IGFL3: variants seen among roughly 807,000 people sequenced by gnomAD.
The protein encoded by IGFL3 is IGF like family member 3.
Under a neutral mutation model 17.0 loss-of-function variants are expected in IGFL3, and 12 were observed. The observed-to-expected ratio is 0.71, with a 90% confidence interval of 0.45 to 1.14. The LOEUF (loss-of-function observed/expected upper bound fraction) is 1.14, where lower values mean the gene tolerates loss of function less well. Ranked by LOEUF, IGFL3 falls within the 50% of genes most tolerant of loss-of-function variation. The probability of loss-of-function intolerance (pLI) is 0.00; values close to 1 mark genes in which losing one functional copy is unlikely to be tolerated. For synonymous variants in IGFL3, 52 were observed against 57.4 expected, an observed-to-expected ratio of 0.91 and a Z score of 0.42; for missense variants, 153 against 151.6, an observed-to-expected ratio of 1.01 and a Z score of -0.05.
At chr19:46,120,406 G>GA in intron 3 of IGFL3, 49 bp from the exon 4 acceptor site, 1 of 1,606,936 alleles carries the variant, frequency 6.2e-7, no homozygotes, top group Admixed American at 1.7e-5. Flanking sequence ...ATATTCTCAG[G>GA]AAAAAATTAT....
rs770775665 is a variant in IGFL3 at position 46,120,099 on chromosome 19, C to T, written c.*231G>A. 3.9e-5 allele frequency: 22 copies of T among 560,360 alleles called. No individual in the cohort carries two copies. Among genetic ancestry groups the T allele is most frequent in the Admixed American group, 9.9e-5 (3 of 30,380 alleles). The allele number at this position is 560,360 out of a possible 1,614,324, so 34.7% of individuals were successfully genotyped here. ...TGGTAAATGTGGGGGATTTTATTGC[C>T]GATGAAAGTGGCTCTCAGCGGGAAG... On this transcript the variant is annotated 3_prime_UTR_variant, in exon 4 of 4. Coordinates refer to ENST00000341415, the MANE Select transcript of IGFL3 (RefSeq NM_207393.2).
intron 3 of IGFL3, 148 bp downstream of exon 3, chr19:46,123,738 A>T: frequency 1.2e-6 from 1 of 846,492 alleles, no homozygotes; most frequent in Non-Finnish European, 1.8e-6. Context: ...CTTATAGCTT[A>T]TCTGCTTCTT....
rs749805786 is a variant in IGFL3, at chr19:46,124,662, G to C, written c.-13C>G. Reference sequence around the variant, plus strand: ...ATCGTGGCCTCATGCTTCCAAAGATGCTCTAGGAGAATTGAAGAAGAGTGG... The same window carrying C: ...ATCGTGGCCTCATGCTTCCAAAGATCCTCTAGGAGAATTGAAGAAGAGTGG... On this transcript the variant is annotated 5_prime_UTR_variant, in exon 1 of 4. Transcript: ENST00000341415. 1 of 1,607,270 alleles carries C rather than the reference G, an allele frequency of 6.2e-7. No homozygotes were observed. Among genetic ancestry groups the C allele is most frequent in the Non-Finnish European group, 8.5e-7 (1 of 1,176,194 alleles).
At chr19:46,120,450 T>C in intron 3 of IGFL3, 93 bp from the exon 4 acceptor site, 2 of 1,562,938 alleles carry the variant, frequency 1.3e-6, no homozygotes, top group South Asian at 2.3e-5. Context: ...AACTTGACTT[T>C]AACAGACTTG....
intron 3 of IGFL3, among the ~76,000 whole-genome samples, chr19:46,121,349 A>T (rs1006041615): frequency 2.7e-5 from 4 of 147,736 alleles, no homozygotes; most frequent in African/African-American, 1.0e-4. Flanking sequence ...AACTGAGATC[A>T]TGCCACTGCA....
At chr19:46,121,014 T>C (rs1971733092) in intron 3 of IGFL3, among the ~76,000 whole-genome samples, 1 of 150,586 alleles carries the variant, frequency 6.6e-6, no homozygotes, top group African/African-American at 2.5e-5. Flanking sequence ...CTTGTAGCCC[T>C]TTTTAAAATA....
intron 3 of IGFL3, among the ~76,000 whole-genome samples, chr19:46,123,386 G>A (rs1417266565): frequency 1.3e-5 from 2 of 150,710 alleles, no homozygotes; most frequent in African/African-American, 2.5e-5. Context: ...CAGAATCATG[G>A]ACACTTCATA....
intron 3 of IGFL3, among the ~76,000 whole-genome samples, chr19:46,121,926 A>G (rs138870651): frequency 0.014 from 2,054 of 151,106 alleles, 64 homozygotes; most frequent in Middle Eastern, 0.031. Context: ...ATGAAATTTA[A>G]CTTGGCTTTT....
At chr19:46,120,496 A>G in intron 3 of IGFL3, 139 bp from the exon 4 acceptor site, 9 of 1,261,162 alleles carry the variant, frequency 7.1e-6, no homozygotes, top group Non-Finnish European at 9.6e-6. Context: ...CAACAGAAGG[A>G]CACAGTCACC....
At position 46,124,334 on chromosome 19, in the gene IGFL3, G is replaced by GAA; in HGVS notation, c.26-14_26-13insTT. The GAA allele has an allele frequency of 6.2e-7, 1 of 1,604,176 alleles. No homozygotes were observed. The highest frequency in any genetic ancestry group is 8.5e-7 in the Non-Finnish European group (1 of 1,173,720). The stretch of plus-strand genomic sequence containing the variant: ...CAGCAGACAAGAGCTAAGGGAGAAA[G>GAA]GAAAAAGGTTGAACATGGAGCTGAG... On this transcript the variant is annotated splice_polypyrimidine_tract_variant and intron_variant, in intron 1 of 3. Coordinates refer to ENST00000341415, the MANE Select transcript of IGFL3 (RefSeq NM_207393.2).
intron 3 of IGFL3, among the ~76,000 whole-genome samples, chr19:46,123,010 A>G (rs1218853348): frequency 1.1e-4 from 16 of 151,070 alleles, no homozygotes; most frequent in Non-Finnish European, 2.2e-4. Flanking sequence ...ATGCTATGAC[A>G]TGATTTTCCC....
intron 3 of IGFL3, among the ~76,000 whole-genome samples, chr19:46,122,452 G>T (rs527348977): frequency 7.9e-5 from 12 of 151,090 alleles, no homozygotes; most frequent in Admixed American, 6.6e-4. Flanking sequence ...TGAGCCAAAA[G>T]ATACAGATAA....
chr19:46,124,412 G>A, intron 1 of IGFL3, 91 bp from the exon 2 acceptor site: 2 of 1,398,436 alleles, frequency 1.4e-6, no homozygotes, highest in Admixed American at 1.8e-5. Context: ...GGTTAGGGTG[G>A]TTTAAAGGTG....
rs1971969162 is a variant in IGFL3 at position 46,124,334 on chromosome 19, G to GA, written c.26-14_26-13insT. On this transcript the variant is annotated splice_polypyrimidine_tract_variant and intron_variant, in intron 1 of 3. Coordinates refer to ENST00000341415, the MANE Select transcript of IGFL3 (RefSeq NM_207393.2). ...CAGCAGACAAGAGCTAAGGGAGAAA[G>GA]GAAAAAGGTTGAACATGGAGCTGAG... 5 of 1,604,058 alleles carry GA rather than the reference G, an allele frequency of 3.1e-6. No individual in the cohort carries two copies. The highest frequency in any genetic ancestry group is 1.4e-5 in the African/African-American group (1 of 73,440).
chr19:46,123,465 C>G (rs915653555), intron 3 of IGFL3, among the ~76,000 whole-genome samples: 8 of 150,894 alleles, frequency 5.3e-5, no homozygotes, highest in Non-Finnish European at 8.8e-5. Flanking sequence ...CAGTCTTTCC[C>G]CTTGGGGAAA....
chr19:46,123,742 G>A, intron 3 of IGFL3, 144 bp downstream of exon 3: 1 of 876,504 alleles, frequency 1.1e-6, no homozygotes, highest in Non-Finnish European at 1.8e-6. Context: ...TAGCTTATCT[G>A]CTTCTTCTTT....
chr19:46,124,551 A>T, intron 1 of IGFL3, 74 bp downstream of exon 1: 1 of 1,366,586 alleles, frequency 7.3e-7, no homozygotes, highest in Non-Finnish European at 1.0e-6. Flanking sequence ...ATAAAGAGGA[A>T]TAAATCGGGT....
chr19:46,124,105 C>G lies in IGFL3; in HGVS notation c.131G>C (p.Gly44Ala). Reference protein sequence around the residue: ...LWLCQPTPRCGNKIYNPSEQC... With the variant: ...LWLCQPTPRCANKIYNPSEQC... Reference sequence around the variant, plus strand: ...CTCTGAAGGGTTGTAGATCTTGTTCCCACACCTGGGTGTCGGCTGGCACAG... The same window carrying G: ...CTCTGAAGGGTTGTAGATCTTGTTCGCACACCTGGGTGTCGGCTGGCACAG... The change falls in exon 3 of 4, where the codon GGG becomes GCG. Residue 44 changes from glycine to alanine, a missense_variant. Coordinates refer to ENST00000341415, the MANE Select transcript of IGFL3 (RefSeq NM_207393.2). The G allele has an allele frequency of 6.2e-7, 1 of 1,611,260 alleles. No homozygotes were observed. The highest frequency in any genetic ancestry group is 8.5e-7 in the Non-Finnish European group (1 of 1,179,530).
Position 46,124,687 on chromosome 19 carries a change from G to T in IGFL3, c.-38C>A, listed in dbSNP as rs1355573890. ...GCTCTAGGAGAATTGAAGAAGAGTG[G>T]TAAAAGGCTGGAACTTATGGAGACA... On this transcript the variant is annotated 5_prime_UTR_variant, in exon 1 of 4. Coordinates refer to ENST00000341415, the MANE Select transcript of IGFL3 (RefSeq NM_207393.2). The T allele has an allele frequency of 4.4e-6, 7 of 1,589,214 alleles. No individual in the cohort carries two copies. The South Asian group carries it at 7.8e-5, about 18-fold the overall frequency.
Sources: allele counts gnomAD v4.1 joint callset (sites outside exome capture counted in the v4.1 genomes callset), GRCh38; gene constraint gnomAD v4.1.1; transcripts MANE v1.5; gene names NCBI Gene and HGNC (gene_info 2026-07-23, HGNC 2026-07-21).